Variants in WBP1L observed in about 807,000 individuals in gnomAD.
The protein encoded by WBP1L is WW domain binding protein 1 like.
In WBP1L, 17 loss-of-function variants were observed where a neutral mutation model predicts 33.7. The ratio of observed to expected loss-of-function variants is 0.50; its 90% CI spans 0.34 to 0.76. The LOEUF (loss-of-function observed/expected upper bound fraction) is 0.76. Ranked by LOEUF, WBP1L falls within the 30% of genes least tolerant of loss-of-function variation. The pLI, the probability that WBP1L is intolerant of heterozygous loss-of-function variation, is 0.01. For synonymous variants in WBP1L, 173 were observed against 190.8 expected, an observed-to-expected ratio of 0.91 and a Z score of 0.77; for missense variants, 389 against 469.4, an observed-to-expected ratio of 0.83 and a Z score of 1.58.
At chr10:102,752,654 T>G (rs755890744) in intron 1 of WBP1L, among the ~76,000 whole-genome samples, 5 of 152,214 alleles carry the variant, frequency 3.3e-5, no homozygotes, top group Non-Finnish European at 7.3e-5. Flanking sequence ...GTGTCCTCCA[T>G]AGTCCTGCAA....
intron 1 of WBP1L, among the ~76,000 whole-genome samples, chr10:102,794,320 G>A (rs1843542563): frequency 6.6e-6 from 1 of 152,150 alleles, no homozygotes; most frequent in African/African-American, 2.4e-5. Flanking sequence ...AAACCTTAAA[G>A]TTGAAGGAGA....
At chr10:102,812,349 C>T (rs1296902433) in intron 3 of WBP1L, among the ~76,000 whole-genome samples, 2 of 152,300 alleles carry the variant, frequency 1.3e-5, no homozygotes, top group South Asian at 2.1e-4. Flanking sequence ...AAGTCCTTGC[C>T]TACGAAGCAG....
chr10:102,776,705 G>C (rs1056609263), intron 1 of WBP1L, among the ~76,000 whole-genome samples: 16 of 152,182 alleles, frequency 1.1e-4, no homozygotes, highest in African/African-American at 3.6e-4. Flanking sequence ...CGGAGAAACA[G>C]CTGAAGAATG....
intron 1 of WBP1L, among the ~76,000 whole-genome samples, chr10:102,787,854 G>A (rs1022297075): frequency 1.3e-5 from 2 of 151,926 alleles, no homozygotes; most frequent in Admixed American, 1.3e-4. Context: ...GAGGTGGGCG[G>A]ATCACCTGAG....
intron 1 of WBP1L, chr10:102,746,193 G>A (rs1470189852): frequency 1.8e-5 from 18 of 984,264 alleles, no homozygotes; most frequent in Non-Finnish European, 2.2e-5. Flanking sequence ...ACATGTGGAA[G>A]GGGATTGTTA....
At position 102,815,812 on chromosome 10, in the gene WBP1L, T is replaced by G. The variant is rs748860784; in HGVS notation, c.*2481T>G. The G allele has an allele frequency of 1.9e-4, 29 of 152,236 alleles. No homozygotes were observed. The highest frequency in any genetic ancestry group is 4.0e-4 in the Non-Finnish European group (27 of 68,044). The allele number at this position is 152,236 out of a possible 1,614,324, so 9.4% of individuals were successfully genotyped here. On this transcript the variant is annotated 3_prime_UTR_variant, in exon 4 of 4. Coordinates refer to ENST00000448841, the MANE Select transcript of WBP1L (RefSeq NM_001083913.2). ...CAGTTAGAGTGGGGAACTGGGCAAG[T>G]GTTAACTGTGGGACTCACTGCAGCG...
intron 1 of WBP1L, among the ~76,000 whole-genome samples, chr10:102,770,307 A>C (rs1843170821): frequency 6.6e-6 from 1 of 151,640 alleles, no homozygotes; most frequent in African/African-American, 2.4e-5. Flanking sequence ...AACCGGAGAA[A>C]GATAAGAAAG....
chr10:102,783,712 TC>T (rs1843369497), intron 1 of WBP1L, among the ~76,000 whole-genome samples: 1 of 152,218 alleles, frequency 6.6e-6, no homozygotes, highest in South Asian at 2.1e-4. Context: ...TACTGGCATA[TC>T]TAGTTAATAG....
intron 1 of WBP1L, among the ~76,000 whole-genome samples, chr10:102,778,188 C>A (rs370436976): frequency 1.3e-5 from 2 of 152,208 alleles, no homozygotes; most frequent in Non-Finnish European, 2.9e-5. Flanking sequence ...TTGATCTACT[C>A]ATTCCCAAAG....
chr10:102,761,121 G>GTTTTTTT (rs111654669), intron 1 of WBP1L, among the ~76,000 whole-genome samples: 16 of 134,102 alleles, frequency 1.2e-4, no homozygotes, highest in African/African-American at 2.5e-4. Context: ...TGGCCAGGCT[G>GTTTTTTT]TTTTTTTTTT....
intron 1 of WBP1L, among the ~76,000 whole-genome samples, chr10:102,750,923 T>C (rs929830133): frequency 1.3e-5 from 2 of 152,198 alleles, no homozygotes; most frequent in Non-Finnish European, 2.9e-5. Flanking sequence ...TTCCTATGGA[T>C]TTGCCTGTTC....
rs776715848 is a variant in WBP1L at position 102,813,371 on chromosome 10, C to G, written c.*40C>G. On this transcript the variant is annotated 3_prime_UTR_variant, in exon 4 of 4. Coordinates refer to ENST00000448841, the MANE Select transcript of WBP1L (RefSeq NM_001083913.2). ...GCACCCAGCAACTTGGCAAAGCAAC[C>G]AGGGTAGGGGAGAACCACGAGAGAA... 2 of 1,573,750 alleles carry G rather than the reference C, an allele frequency of 1.3e-6. No homozygotes were observed. Among genetic ancestry groups the G allele is most frequent in the Admixed American group, 1.8e-5 (1 of 56,376 alleles).
rs1463674550 is a variant in WBP1L at position 102,812,732 on chromosome 10, C to T, written c.493C>T (p.Pro165Ser). Reference protein sequence around the residue: ...PPQCGPAGGSPPGIDPTRGSQ... With the variant: ...PPQCGPAGGSSPGIDPTRGSQ... ...ACAGTGTGGCCCTGCAGGTGGCAGT[C>T]CCCCGGGCATCGATCCCACCAGGGG... The change falls in exon 4 of 4, where the codon CCC (proline) becomes TCC (serine). Residue 165 changes from proline to serine, a missense_variant. By Grantham distance (74) the Pro-to-Ser change is moderately conservative (BLOSUM62 -1). Coordinates refer to ENST00000448841, the MANE Select transcript of WBP1L (RefSeq NM_001083913.2). The T allele has an allele frequency of 2.5e-6, 4 of 1,613,916 alleles. No individual in the cohort carries two copies. Among genetic ancestry groups the T allele is most frequent in the Non-Finnish European group, 3.4e-6 (4 of 1,179,952 alleles).
At chr10:102,787,394 C>G (rs1208731751) in intron 1 of WBP1L, among the ~76,000 whole-genome samples, 1 of 152,028 alleles carries the variant, frequency 6.6e-6, no homozygotes, top group Non-Finnish European at 1.5e-5. Context: ...TGAGACCAGC[C>G]TGAGCAACGT....
intron 1 of WBP1L, among the ~76,000 whole-genome samples, chr10:102,756,463 A>ATT (rs556597597): frequency 6.6e-6 from 1 of 151,008 alleles, no homozygotes; most frequent in African/African-American, 2.4e-5. Context: ...CACAAGATGC[A>ATT]TTTTTTTTTA....
chr10:102,762,738 C>T (rs896700772), intron 1 of WBP1L, among the ~76,000 whole-genome samples: 9 of 152,098 alleles, frequency 5.9e-5, no homozygotes, highest in African/African-American at 1.7e-4. Flanking sequence ...TTCAGAGAAA[C>T]GTGGAAAAAT....
At chr10:102,770,798 C>T (rs1051533136) in intron 1 of WBP1L, among the ~76,000 whole-genome samples, 3 of 152,212 alleles carry the variant, frequency 2.0e-5, no homozygotes, top group African/African-American at 7.2e-5. Flanking sequence ...GACCAGGGAC[C>T]TGCCTGTCTG....
intron 1 of WBP1L, among the ~76,000 whole-genome samples, chr10:102,772,267 T>TG (rs1412660848): frequency 7.7e-6 from 1 of 129,516 alleles, no homozygotes; most frequent in Non-Finnish European, 1.7e-5. Context: ...CTTTTTTTTT[T>TG]TTTTTTTTTT....
intron 1 of WBP1L, among the ~76,000 whole-genome samples, chr10:102,771,991 C>G (rs1564758984): frequency 6.7e-6 from 1 of 149,040 alleles, no homozygotes; most frequent in Non-Finnish European, 1.5e-5. Context: ...GACGGAGTCT[C>G]GCTCTGTCGC....
Sources: allele counts gnomAD v4.1 joint callset (sites outside exome capture counted in the v4.1 genomes callset), GRCh38; gene constraint gnomAD v4.1.1; transcripts MANE v1.5; gene names NCBI Gene and HGNC (gene_info 2026-07-23, HGNC 2026-07-21).